Variants in PLXDC2 observed in about 807,000 individuals in gnomAD.
PLXDC2 encodes plexin domain-containing protein 2.
PLXDC2 carries 40 observed loss-of-function variants against 68.9 expected under a neutral mutation model. That is an observed-to-expected ratio of 0.58 (90% CI 0.45 to 0.76). The LOEUF is 0.76. Among genes scored for constraint, PLXDC2 ranks in the 30% least tolerant of loss-of-function variants. PLXDC2 has a pLI of 0.00. For synonymous variants in PLXDC2, 243 were observed against 234.2 expected (o/e 1.04, Z -0.34); for missense variants, 644 against 661.9 (o/e 0.97, Z 0.30).
chr10:19,898,236 A>G (rs1000476671), intron 1 of PLXDC2, among the ~76,000 whole-genome samples: 1 of 152,168 alleles, frequency 6.6e-6, no homozygotes, highest in Non-Finnish European at 1.5e-5. Context: ...GCACATGTGC[A>G]GGCTTGTTAC....
At chr10:20,166,285 G>T (rs1018243706) in intron 7 of PLXDC2, among the ~76,000 whole-genome samples, 1 of 152,108 alleles carries the variant, frequency 6.6e-6, no homozygotes, top group African/African-American at 2.4e-5. Flanking sequence ...GCATTGATAC[G>T]TGGTGGTTCT....
chr10:20,109,285 C>T (rs1043032449), intron 4 of PLXDC2, among the ~76,000 whole-genome samples: 3 of 152,176 alleles, frequency 2.0e-5, no homozygotes, highest in Admixed American at 2.0e-4. Context: ...GTCTCAATGA[C>T]ACACTGTGTC....
At chr10:20,099,094 A>G (rs1454644711) in intron 4 of PLXDC2, among the ~76,000 whole-genome samples, 3 of 152,142 alleles carry the variant, frequency 2.0e-5, no homozygotes, top group Non-Finnish European at 4.4e-5. Context: ...GAAAATAATA[A>G]TAATAAATAA....
At chr10:19,874,509 C>G (rs1020347519) in intron 1 of PLXDC2, among the ~76,000 whole-genome samples, 1 of 152,104 alleles carries the variant, frequency 6.6e-6, no homozygotes, top group African/African-American at 2.4e-5. Context: ...GTAGGAATTG[C>G]AAAAGTAGGA....
intron 1 of PLXDC2, among the ~76,000 whole-genome samples, chr10:19,826,196 C>T (rs527619137): frequency 7.2e-5 from 11 of 152,164 alleles, no homozygotes; most frequent in East Asian, 1.9e-4. Flanking sequence ...TTTGCCAGTC[C>T]GTAGTTTTAT....
At chr10:20,245,734 C>T (rs931748177) in intron 13 of PLXDC2, among the ~76,000 whole-genome samples, 1 of 152,186 alleles carries the variant, frequency 6.6e-6, no homozygotes, top group South Asian at 2.1e-4. Context: ...AAGACATAAA[C>T]TATCTTGTCT....
intron 1 of PLXDC2, among the ~76,000 whole-genome samples, chr10:19,998,350 G>T (rs1247436294): frequency 6.6e-6 from 1 of 152,044 alleles, no homozygotes; most frequent in Non-Finnish European, 1.5e-5. Flanking sequence ...CATATATTTT[G>T]ACTTGTTTTA....
chr10:20,021,338 T>G (rs1835305628), intron 2 of PLXDC2, among the ~76,000 whole-genome samples: 1 of 152,202 alleles, frequency 6.6e-6, no homozygotes, highest in East Asian at 1.9e-4. Flanking sequence ...ATACATGCCC[T>G]GGTGGTTTGC....
chr10:20,043,025 G>T (rs957638237), intron 2 of PLXDC2, among the ~76,000 whole-genome samples: 6 of 152,068 alleles, frequency 3.9e-5, no homozygotes, highest in Non-Finnish European at 7.4e-5. Context: ...GAAAATCTTT[G>T]TACTCAAAGT....
intron 1 of PLXDC2, among the ~76,000 whole-genome samples, chr10:19,877,545 A>T (rs12777080): frequency 0.28 from 42,756 of 152,050 alleles, 6,006 homozygotes; most frequent in East Asian, 0.38. Context: ...TCTTACTTTT[A>T]CTTTAAAAAG....
In PLXDC2 at chr10:19,850,067, T is replaced by C. The variant is rs1197426113; in HGVS notation, c.112+32876T>C. ...TTGACCTAAGGTGGTAGTCAGTAAC[T>C]GTCACTCACCTTAGCAACATTCATC... On this transcript the variant is annotated intron_variant, in intron 1 of 13. Coordinates refer to ENST00000377252, the MANE Select transcript of PLXDC2 (RefSeq NM_032812.9). Among the ~76,000 whole-genome samples the C allele has an allele frequency of 2.0e-5, 3 of 152,164 alleles. No homozygotes were observed. The East Asian group carries it at 5.8e-4, about 29-fold the overall frequency.
chr10:20,022,042 T>C (rs1441255053), intron 2 of PLXDC2, among the ~76,000 whole-genome samples: 1 of 152,208 alleles, frequency 6.6e-6, no homozygotes, highest in African/African-American at 2.4e-5. Context: ...GAACTTTCAA[T>C]TGTACTCAGC....
At chr10:19,908,598 G>A (rs1043723041) in intron 1 of PLXDC2, among the ~76,000 whole-genome samples, 3 of 152,056 alleles carry the variant, frequency 2.0e-5, no homozygotes, top group Non-Finnish European at 2.9e-5. Flanking sequence ...AGATTCTGAC[G>A]AGTCAAAGGT....
intron 2 of PLXDC2, among the ~76,000 whole-genome samples, chr10:20,015,424 C>T (rs766831391): frequency 2.0e-5 from 3 of 151,990 alleles, no homozygotes; most frequent in Non-Finnish European, 4.4e-5. Context: ...AACATGTGTG[C>T]ATTATTTCAA....
At chr10:20,203,955 C>T (rs1834956527) in intron 9 of PLXDC2, among the ~76,000 whole-genome samples, 1 of 152,122 alleles carries the variant, frequency 6.6e-6, no homozygotes, top group African/African-American at 2.4e-5. Flanking sequence ...CACACTCCAC[C>T]TTCTTGCATA....
At chr10:19,995,256 C>T (rs1373894680) in intron 1 of PLXDC2, among the ~76,000 whole-genome samples, 1 of 152,058 alleles carries the variant, frequency 6.6e-6, no homozygotes, top group African/African-American at 2.4e-5. Context: ...TTTATTACAG[C>T]AAAAGGAGAC....
At chr10:20,024,474 T>G (rs565125858) in intron 2 of PLXDC2, among the ~76,000 whole-genome samples, 10 of 152,366 alleles carry the variant, frequency 6.6e-5, no homozygotes, top group African/African-American at 2.2e-4. Flanking sequence ...ACATACGAAT[T>G]CTTCTCATTA....
intron 4 of PLXDC2, among the ~76,000 whole-genome samples, chr10:20,118,475 C>T (rs891156273): frequency 6.6e-6 from 1 of 152,162 alleles, no homozygotes; most frequent in African/African-American, 2.4e-5. Context: ...AGACCTAATT[C>T]TTAAATGTCA....
At chr10:20,201,545 A>G (rs1438910970) in intron 9 of PLXDC2, among the ~76,000 whole-genome samples, 1 of 151,976 alleles carries the variant, frequency 6.6e-6, no homozygotes, top group African/African-American at 2.4e-5. Flanking sequence ...TATAATAACA[A>G]TATAACTATT....
Sources: allele counts gnomAD v4.1 joint callset (sites outside exome capture counted in the v4.1 genomes callset), GRCh38; gene constraint gnomAD v4.1.1; transcripts MANE v1.5; gene names NCBI Gene and HGNC (gene_info 2026-07-23, HGNC 2026-07-21).